The following LRRC37A2 variants were observed in gnomAD, a reference collection of about 807,000 sequenced individuals.
LRRC37A2 encodes the protein leucine rich repeat containing 37 member A2.
LRRC37A2 carries 9 observed loss-of-function variants against 68.8 expected under a neutral mutation model. The ratio of observed to expected loss-of-function variants is 0.13; its 90% CI spans 0.08 to 0.23. LRRC37A2 has a LOEUF of 0.23. LRRC37A2 is among the 10% of genes least tolerant of loss of function. LRRC37A2 has a pLI of 1.00. For synonymous variants in LRRC37A2, 63 were observed against 367.6 expected (o/e 0.17, Z 9.48); for missense variants, 168 against 950.4 (o/e 0.18, Z 10.82).
At chr17:46,962,895 C>G in the LRRC37A2 span, among the ~76,000 whole-genome samples, 3 of 152,202 alleles carry the variant, frequency 2.0e-5, no homozygotes, top group Admixed American at 1.3e-4. Flanking sequence ...GTGCTAGACC[C>G]TCTGCTAACT....
the LRRC37A2 span, among the ~76,000 whole-genome samples, chr17:46,490,110 A>G: frequency 6.6e-6 from 1 of 151,278 alleles, no homozygotes; most frequent in East Asian, 1.9e-4. Context: ...GATGGACTAG[A>G]TGATCTAATG....
chr17:46,963,443 G>A, the LRRC37A2 span, among the ~76,000 whole-genome samples: 14 of 151,920 alleles, frequency 9.2e-5, no homozygotes, highest in African/African-American at 3.4e-4. Context: ...TACTTGGGAG[G>A]CTGAGTTACA....
chr17:46,885,059 G>A, the LRRC37A2 span: 2 of 442,254 alleles, frequency 4.5e-6, no homozygotes, highest in Non-Finnish European at 9.1e-6. Flanking sequence ...CAAGATCTCA[G>A]CTCATCACAA....
At chr17:46,728,754 A>T in the LRRC37A2 span, 3 of 695,402 alleles carry the variant, frequency 4.3e-6, no homozygotes, top group Non-Finnish European at 4.7e-6. Context: ...TTATGTAGGG[A>T]CTGTGTTTAC....
the LRRC37A2 span, among the ~76,000 whole-genome samples, chr17:46,779,955 C>T: frequency 1.4e-4 from 21 of 152,140 alleles, no homozygotes; most frequent in African/African-American, 4.1e-4. Flanking sequence ...GACAGGGTTT[C>T]GCAATATTGG....
the LRRC37A2 span, among the ~76,000 whole-genome samples, chr17:46,913,855 G>A: frequency 6.6e-6 from 1 of 152,164 alleles, no homozygotes; most frequent in East Asian, 1.9e-4. Context: ...TGCCTCTTGG[G>A]TTCAAGTGAT....
At chr17:46,856,805 A>T in the LRRC37A2 span, among the ~76,000 whole-genome samples, 4 of 152,178 alleles carry the variant, frequency 2.6e-5, no homozygotes, top group African/African-American at 9.7e-5. Flanking sequence ...TTTAAATTGC[A>T]CAGTTTGGGT....
At chr17:46,935,932 G>A in the LRRC37A2 span, 16 of 985,712 alleles carry the variant, frequency 1.6e-5, no homozygotes, top group Non-Finnish European at 1.9e-5. Flanking sequence ...AGCACTCCCA[G>A]CCACTGAGCT....
the LRRC37A2 span, among the ~76,000 whole-genome samples, chr17:46,716,144 G>A: frequency 1.3e-5 from 2 of 152,290 alleles, no homozygotes; most frequent in Middle Eastern, 3.4e-3. Context: ...ACAAAAGCCT[G>A]AGGGGTCAAA....
At chr17:46,992,670 T>C in the LRRC37A2 span, among the ~76,000 whole-genome samples, 3 of 151,970 alleles carry the variant, frequency 2.0e-5, no homozygotes, top group Admixed American at 1.3e-4. Context: ...CTGGCCAACA[T>C]GGTAAAACCC....
the LRRC37A2 span, among the ~76,000 whole-genome samples, chr17:46,810,938 G>A: frequency 6.6e-6 from 1 of 152,102 alleles, no homozygotes; most frequent in South Asian, 2.1e-4. Context: ...TCTCGCCCCA[G>A]AGCCCGCTCT....
the LRRC37A2 span, among the ~76,000 whole-genome samples, chr17:46,736,172 A>G: frequency 2.0e-4 from 31 of 152,106 alleles, no homozygotes; most frequent in African/African-American, 7.5e-4. Context: ...CCTACATCCT[A>G]AGACAAATAC....
the LRRC37A2 span, among the ~76,000 whole-genome samples, chr17:46,743,469 A>G: frequency 1.3e-5 from 2 of 152,106 alleles, no homozygotes; most frequent in Non-Finnish European, 2.9e-5. Context: ...TTCTCATCGC[A>G]TATTTATGGT....
intron 3 of LRRC37A2, among the ~76,000 whole-genome samples, chr17:46,518,912 A>C (rs1790908592): frequency 1.2e-5 from 1 of 86,210 alleles, no homozygotes. Flanking sequence ...TCTAAATTAA[A>C]AATAAACATA....
At chr17:46,849,413 G>A in the LRRC37A2 span, among the ~76,000 whole-genome samples, 1 of 152,240 alleles carries the variant, frequency 6.6e-6, no homozygotes, top group Admixed American at 6.5e-5. Flanking sequence ...CAGCTGGGCA[G>A]CCTGAGCTGA....
intron 12 of LRRC37A2, 145 bp downstream of exon 11, chr17:46,553,594 C>G (rs2057045470): frequency 1.7e-6 from 2 of 1,177,844 alleles, no homozygotes; most frequent in Admixed American, 2.6e-5. Context: ...CCTCAGCCTC[C>G]CGAGTAGCTG....
At chr17:46,724,100 G>A in the LRRC37A2 span, among the ~76,000 whole-genome samples, 1 of 152,022 alleles carries the variant, frequency 6.6e-6, no homozygotes, top group Non-Finnish European at 1.5e-5. Context: ...TCACATCTCT[G>A]TGTCTCCTAA....
intron 9 of LRRC37A2, chr17:46,548,017 TTGAC>T: frequency 6.7e-5 from 4 of 59,830 alleles, no homozygotes; most frequent in East Asian, 6.2e-4. Flanking sequence ...ACCTTGGGCT[TTGAC>T]TGAGCACTGG....
chr17:46,946,037 C>T, the LRRC37A2 span, among the ~76,000 whole-genome samples: 1 of 152,232 alleles, frequency 6.6e-6, no homozygotes, highest in African/African-American at 2.4e-5. Context: ...CCTTGGAAGG[C>T]GGGGCCTCCA....
Sources: allele counts gnomAD v4.1 joint callset (sites outside exome capture counted in the v4.1 genomes callset), GRCh38; gene constraint gnomAD v4.1.1; transcripts MANE v1.5; gene names NCBI Gene and HGNC (gene_info 2026-07-23, HGNC 2026-07-21).